The following ZNF503 variants were observed in gnomAD, a reference collection of about 807,000 sequenced individuals.
ZNF503 encodes NocA-like zinc finger 2.
Under a neutral mutation model 34.4 loss-of-function variants are expected in ZNF503, and 15 were observed. The ratio of observed to expected loss-of-function variants is 0.44; its 90% CI spans 0.29 to 0.67. The LOEUF is 0.67. Among genes scored for constraint, ZNF503 ranks in the 30% least tolerant of loss-of-function variants. The pLI, the probability that ZNF503 is intolerant of heterozygous loss-of-function variation, is 0.13. For synonymous variants in ZNF503, 580 were observed against 456.8 expected (o/e 1.27, Z -3.44); for missense variants, 1,007 against 926.8 (o/e 1.09, Z -1.12).
the ZNF503 span, among the ~76,000 whole-genome samples, chr10:75,351,195 T>C: frequency 6.6e-6 from 1 of 152,100 alleles, no homozygotes; most frequent in African/African-American, 2.4e-5. Context: ...TTTTTTGAGA[T>C]GGAGTCTCCC....
the ZNF503 span, among the ~76,000 whole-genome samples, chr10:75,370,148 C>T: frequency 6.6e-6 from 1 of 151,730 alleles, no homozygotes; most frequent in African/African-American, 2.4e-5. Flanking sequence ...AGACTTCCAC[C>T]TTCTAAGTTA....
chr10:75,311,561 A>G, the ZNF503 span, among the ~76,000 whole-genome samples: 1 of 151,870 alleles, frequency 6.6e-6, no homozygotes, highest in Non-Finnish European at 1.5e-5. Context: ...CAGGCTGGGC[A>G]CAGTGTAATC....
At position 75,398,633 on chromosome 10, in the gene ZNF503, T is replaced by G; in HGVS notation, c.*116A>C. On this transcript the variant is annotated 3_prime_UTR_variant, in exon 2 of 2. Transcript: ENST00000372524. ...TACGGTATACATTTCTTTCCTTTCG[T>G]GGCCCGAGTCCTCCCCACGCGCGGG... is the stretch of plus-strand genomic sequence containing the variant. 1.0e-6 allele frequency: 1 copy of G among 969,454 alleles called. No homozygotes were observed. Among genetic ancestry groups the G allele is most frequent in the African/African-American group, 1.7e-5 (1 of 58,846 alleles). The allele number at this position is 969,454 out of a possible 1,614,324, so 60.1% of individuals were successfully genotyped here. A position where few individuals can be genotyped will look rare whatever the true frequency, so the allele number is the denominator to read the frequency against.
chr10:75,364,942 C>T, the ZNF503 span, among the ~76,000 whole-genome samples: 2 of 152,172 alleles, frequency 1.3e-5, no homozygotes, highest in Admixed American at 1.3e-4. Flanking sequence ...TGGATGATAG[C>T]ACCATAAAAG....
At chr10:75,360,108 A>C in the ZNF503 span, among the ~76,000 whole-genome samples, 2 of 147,008 alleles carry the variant, frequency 1.4e-5, no homozygotes, top group African/African-American at 5.1e-5. Flanking sequence ...TGGCTGCCAA[A>C]GGTTTCTTTT....
chr10:75,401,348 T>TCCGCCG lies in ZNF503; in HGVS notation c.71_72insCGGCGG (p.Gly26_Gly27dup), dbSNP rs780118403. The stretch of plus-strand genomic sequence containing the variant: ...TCCAGGCAGGGTCTGCACCGCCGCC[T>TCCGCCG]CCGCCTCCGCCGCCGCCGCCGCCGC... On this transcript the variant is annotated inframe_insertion, in exon 1 of 2. Coordinates refer to ENST00000372524, the MANE Select transcript of ZNF503 (RefSeq NM_032772.6). 3.8e-5 allele frequency: 57 copies of TCCGCCG among 1,490,946 alleles called. No homozygotes were observed. Among genetic ancestry groups the TCCGCCG allele is most frequent in the Non-Finnish European group, 4.7e-5 (53 of 1,138,258 alleles). The allele number at this position is 1,490,946 out of a possible 1,614,324, so 92.4% of individuals were successfully genotyped here. A position where few individuals can be genotyped will look rare whatever the true frequency, so the allele number is the denominator to read the frequency against.
At chr10:75,336,828 A>T in the ZNF503 span, among the ~76,000 whole-genome samples, 1 of 152,158 alleles carries the variant, frequency 6.6e-6, no homozygotes, top group African/African-American at 2.4e-5. Flanking sequence ...CTCTCAGCCT[A>T]TTGAGGCCAC....
At chr10:75,396,542 G>A (rs557013435), downstream of ZNF503, among the ~76,000 whole-genome samples, 67 of 152,328 alleles carry the variant, frequency 4.4e-4, no homozygotes, top group African/African-American at 1.3e-3. The surrounding 1 kb of genome is among the most constrained non-coding windows in gnomAD (Gnocchi z 4.4). Flanking sequence ...TGCAAATGGC[G>A]GCAGGGGCCG....
At position 75,399,578 on chromosome 10, in the gene ZNF503, G is replaced by A. The variant is rs777318393; in HGVS notation, c.1112C>T (p.Pro371Leu). Residue 371 changes from proline (P) to leucine (L), a missense_variant, in exon 2 of 2, where the codon CCG becomes CTG. By Grantham distance (98) the Pro-to-Leu change is moderately conservative. Transcript: ENST00000372524. ...CACGCCGTGTGGCAGGAACTGGGGC[G>A]GGTAGCCGGCGTAGGCCCCGGCCAG... ...GSLAGAYAGY[P>L]PQFLPHGVAL... 6 of 1,596,630 alleles carry A rather than the reference G, an allele frequency of 3.8e-6. No individual in the cohort carries two copies. The highest frequency in any genetic ancestry group is 1.1e-5 in the South Asian group (1 of 90,880).
chr10:75,346,447 T>C, the ZNF503 span, among the ~76,000 whole-genome samples: 1 of 151,826 alleles, frequency 6.6e-6, no homozygotes, highest in Non-Finnish European at 1.5e-5. Context: ...TTTTCTTTTT[T>C]TTTTTCAGGG....
the ZNF503 span, among the ~76,000 whole-genome samples, chr10:75,345,643 A>AG: frequency 6.6e-6 from 1 of 151,176 alleles, no homozygotes; most frequent in South Asian, 2.1e-4. Context: ...TCAAAAAAAA[A>AG]AAAAAAAAAG....
At chr10:75,299,363 A>C in the ZNF503 span, among the ~76,000 whole-genome samples, 2 of 152,158 alleles carry the variant, frequency 1.3e-5, no homozygotes. Context: ...ATGAATTTGC[A>C]TGGGATTTTG....
rs756616951 is a variant in ZNF503 at position 75,401,198 on chromosome 10, G to A, written c.222C>T (p.Ile74=). The change falls in exon 1 of 2, where the codon ATC becomes ATT. Residue 74 remains isoleucine, a synonymous_variant. Coordinates refer to ENST00000372524, the MANE Select transcript of ZNF503 (RefSeq NM_032772.6). ...DPLRQANRLP[I]KVLKMLTART... ...GTGCCGTCAGCATCTTCAGCACCTT[G>A]ATTGGCAGGCGGTTGGCCTGGCGCA... 1 of 1,609,290 alleles carries A rather than the reference G, an allele frequency of 6.2e-7. No individual in the cohort carries two copies. The highest frequency in any genetic ancestry group is 1.1e-5 in the South Asian group (1 of 90,430).
chr10:75,382,010 A>G, the ZNF503 span, among the ~76,000 whole-genome samples: 4 of 151,750 alleles, frequency 2.6e-5, no homozygotes, highest in African/African-American at 7.3e-5. Context: ...GGGTTTTACC[A>G]TGTTGGCCAG....
the ZNF503 span, among the ~76,000 whole-genome samples, chr10:75,360,252 C>T: frequency 1.3e-5 from 2 of 151,474 alleles, no homozygotes; most frequent in African/African-American, 4.9e-5. Context: ...TCCCTAGTAG[C>T]TGGGACTACA....
chr10:75,390,434 C>T, the ZNF503 span, among the ~76,000 whole-genome samples: 6 of 150,066 alleles, frequency 4.0e-5, no homozygotes, highest in East Asian at 1.2e-3. Context: ...CTTCTTCCCT[C>T]CTCCCCCTCC....
the ZNF503 span, among the ~76,000 whole-genome samples, chr10:75,333,392 G>A: frequency 1.0e-4 from 5 of 47,792 alleles, no homozygotes; most frequent in South Asian, 9.4e-4. Context: ...CGGACGGGGC[G>A]GCTGGCCGGG....
At chr10:75,319,911 C>T in the ZNF503 span, among the ~76,000 whole-genome samples, 13 of 152,134 alleles carry the variant, frequency 8.5e-5, no homozygotes, top group African/African-American at 3.1e-4. Context: ...AATTTGAAGT[C>T]TTATAACTAT....
chr10:75,329,499 C>T, the ZNF503 span, among the ~76,000 whole-genome samples: 24 of 147,790 alleles, frequency 1.6e-4, no homozygotes, highest in African/African-American at 6.0e-4. Flanking sequence ...GAGTTTAGCT[C>T]TGTTGCCCAG....
Sources: allele counts gnomAD v4.1 joint callset (sites outside exome capture counted in the v4.1 genomes callset), GRCh38; gene constraint gnomAD v4.1.1; non-coding constraint Gnocchi (gnomAD v3.1); transcripts MANE v1.5; gene names NCBI Gene and HGNC (gene_info 2026-07-23, HGNC 2026-07-21).